Variants in RAI14 observed in about 807,000 individuals in gnomAD.
RAI14 encodes ankycorbin.
A neutral mutation model predicts 115.4 loss-of-function variants in RAI14; 45 were observed. That is an observed-to-expected ratio of 0.39 (90% CI 0.31 to 0.50). The LOEUF is 0.50. Among genes scored for constraint, RAI14 ranks in the 20% least tolerant of loss-of-function variants. The probability of loss-of-function intolerance (pLI) is 0.85; values close to 1 mark genes in which losing one functional copy is unlikely to be tolerated. For synonymous variants in RAI14, 371 were observed against 415.4 expected (o/e 0.89, Z 1.30); for missense variants, 939 against 1,131.2 (o/e 0.83, Z 2.44).
chr5:34,796,905 G>T (rs1753606872), intron 4 of RAI14, among the ~76,000 whole-genome samples: 1 of 152,086 alleles, frequency 6.6e-6, no homozygotes, highest in Admixed American at 6.5e-5. Context: ...AGATTCCATT[G>T]TCTGGAAGTT....
intron 5 of RAI14, 79 bp from the exon 6 acceptor site, chr5:34,807,721 C>A: frequency 9.0e-7 from 1 of 1,109,758 alleles, no homozygotes; most frequent in Non-Finnish European, 1.4e-6. Context: ...TCACATCATA[C>A]CTTGCAGGAA....
chr5:34,826,339 A>G lies in RAI14; in HGVS notation c.2659A>G (p.Met887Val). ...TTTCCTTTGCCCCTAGATAAATGAG[A>G]TGTCGAAGGAAGTCACCAAATTGAA... ...EEDKDKKINE[M>V]SKEVTKLKEA... is the part of the protein sequence containing the mutation. The change falls in exon 16 of 18, where the codon ATG becomes GTG. Residue 887 changes from methionine (M) to valine (V), a missense_variant. Coordinates refer to ENST00000265109, the MANE Select transcript of RAI14 (RefSeq NM_015577.3). The G allele has an allele frequency of 6.2e-7, 1 of 1,613,734 alleles. No individual in the cohort carries two copies. Among genetic ancestry groups the G allele is most frequent in the Non-Finnish European group, 8.5e-7 (1 of 1,179,784 alleles).
intron 1 of RAI14, chr5:34,684,643 C>T (rs1431212037): frequency 2.0e-5 from 3 of 152,138 alleles, no homozygotes; most frequent in Non-Finnish European, 4.4e-5. Flanking sequence ...ATCCAAGGGC[C>T]CTAGTCAATG....
At chr5:34,810,432 C>G (rs1755445260) in intron 7 of RAI14, among the ~76,000 whole-genome samples, 1 of 152,164 alleles carries the variant, frequency 6.6e-6, no homozygotes, top group Non-Finnish European at 1.5e-5. Context: ...AAAGGGGTTG[C>G]AATTGTCATG....
Position 34,820,440 on chromosome 5 carries a change from A to T in RAI14, c.995-1292A>T, listed in dbSNP as rs554938311. Among the ~76,000 whole-genome samples, 24 of 152,248 alleles carry T rather than the reference A, an allele frequency of 1.6e-4. 1 individual carries two copies. The South Asian group carries it at 5.0e-3, about 32-fold the overall frequency. ...ACTAAAAATACAAAAATTAGCTATT[A>T]CATAAAATTATTGAGATTTTATGTA... On this transcript the variant is annotated intron_variant, in intron 13 of 17. Transcript: ENST00000265109.
At chr5:34,829,148 T>C (rs544268064) in intron 16 of RAI14, among the ~76,000 whole-genome samples, 377 of 119,516 alleles carry the variant, frequency 3.2e-3, no homozygotes, top group African/African-American at 0.011. Flanking sequence ...TATACACACA[T>C]ATATAGACAC....
At position 34,824,122 on chromosome 5, in the gene RAI14, C is replaced by T. The variant is rs752277760; in HGVS notation, c.2280C>T (p.Ser760=). The T allele has an allele frequency of 6.8e-6, 11 of 1,613,916 alleles. No homozygotes were observed. The change falls in exon 15 of 18, where the codon AGC becomes AGT. Residue 760 remains serine (S), a synonymous_variant. Transcript: ENST00000265109. ...KISNLKEHLA[S]KEVEVAKLEK... ...GCAATCTTAAGGAACACCTTGCAAG[C>T]AAGGAAGTGGAAGTAGCAAAGCTGG...
At chr5:34,713,945 C>CA (rs1741707501) in intron 2 of RAI14, among the ~76,000 whole-genome samples, 1 of 152,164 alleles carries the variant, frequency 6.6e-6, no homozygotes, top group Non-Finnish European at 1.5e-5. Context: ...GCTGGGATTA[C>CA]AGGCATGTGC....
intron 2 of RAI14, among the ~76,000 whole-genome samples, chr5:34,691,291 C>T (rs1738568107): frequency 1.3e-5 from 2 of 152,056 alleles, no homozygotes. Flanking sequence ...TGGCATGGCC[C>T]TGAGTATTTA....
chr5:34,769,460 C>G (rs930263564), intron 3 of RAI14, among the ~76,000 whole-genome samples: 2 of 152,124 alleles, frequency 1.3e-5, no homozygotes, highest in African/African-American at 4.8e-5. Flanking sequence ...ACCTTTTAAT[C>G]CTATTGTTAG....
intron 3 of RAI14, among the ~76,000 whole-genome samples, chr5:34,780,420 T>G (rs1006066350): frequency 5.3e-5 from 8 of 152,024 alleles, no homozygotes; most frequent in African/African-American, 1.7e-4. Flanking sequence ...GAAACTACCA[T>G]CAGAGTGAAC....
chr5:34,828,294 G>A (rs561594815), intron 16 of RAI14, among the ~76,000 whole-genome samples: 1 of 152,288 alleles, frequency 6.6e-6, no homozygotes, highest in East Asian at 1.9e-4. Flanking sequence ...GACAGGAGTT[G>A]CTGAACTGAA....
intron 2 of RAI14, among the ~76,000 whole-genome samples, chr5:34,748,888 A>G (rs1270902279): frequency 6.6e-6 from 1 of 152,152 alleles, no homozygotes; most frequent in African/African-American, 2.4e-5. Context: ...TGAATAAGTG[A>G]ATGAATGATA....
chr5:34,746,565 C>T (rs1323508229), intron 2 of RAI14, among the ~76,000 whole-genome samples: 1 of 151,078 alleles, frequency 6.6e-6, no homozygotes, highest in African/African-American at 2.4e-5. Flanking sequence ...CCACCACACC[C>T]AGCTAATTTT....
At position 34,824,150 on chromosome 5, in the gene RAI14, A is replaced by C; in HGVS notation, c.2308A>C (p.Lys770Gln). ...GGAAGTGGAAGTAGCAAAGCTGGAG[A>C]AACAACTCTTAGAAGAGAAAGCTGC... is the stretch of plus-strand genomic sequence containing the variant. ...SKEVEVAKLE[K>Q]QLLEEKAAMT... Residue 770 changes from lysine (K) to glutamine (Q), a missense_variant, in exon 15 of 18, where the codon AAA (lysine) becomes CAA (glutamine). By Grantham distance (53) the Lys-to-Gln change is moderately conservative. Transcript: ENST00000265109. 6.2e-7 allele frequency: 1 copy of C among 1,614,010 alleles called. No homozygotes were observed. The highest frequency in any genetic ancestry group is 8.5e-7 in the Non-Finnish European group (1 of 1,179,940).
At chr5:34,689,784 A>T (rs1025111474) in intron 2 of RAI14, among the ~76,000 whole-genome samples, 3 of 152,202 alleles carry the variant, frequency 2.0e-5, no homozygotes, top group African/African-American at 7.2e-5. Flanking sequence ...AGGCAGGAGA[A>T]TAGCTTGAAC....
intron 1 of RAI14, among the ~76,000 whole-genome samples, chr5:34,669,365 C>G (rs760286198): frequency 6.6e-6 from 1 of 152,210 alleles, no homozygotes; most frequent in Non-Finnish European, 1.5e-5. Flanking sequence ...TGTTTGGCAA[C>G]AGGCTTTCTT....
intron 2 of RAI14, among the ~76,000 whole-genome samples, chr5:34,731,341 TAAAG>T (rs992602451): frequency 2.0e-5 from 3 of 152,224 alleles, no homozygotes; most frequent in African/African-American, 7.2e-5. Flanking sequence ...TCACCTAAAA[TAAAG>T]ATACTTTGTC....
At chr5:34,715,215 G>A (rs2149976994) in intron 2 of RAI14, among the ~76,000 whole-genome samples, 1 of 152,288 alleles carries the variant, frequency 6.6e-6, no homozygotes, top group South Asian at 2.1e-4. Flanking sequence ...CTGGAAGGTG[G>A]TGGAGATTTC....
Sources: allele counts gnomAD v4.1 joint callset (sites outside exome capture counted in the v4.1 genomes callset), GRCh38; gene constraint gnomAD v4.1.1; transcripts MANE v1.5; gene names NCBI Gene and HGNC (gene_info 2026-07-23, HGNC 2026-07-21).